CENPQ: variants seen among roughly 807,000 people sequenced by gnomAD.
The protein encoded by CENPQ is centromere protein Q.
In CENPQ, 27 loss-of-function variants were observed where a neutral mutation model predicts 36.6. The observed-to-expected ratio is 0.74, with a 90% CI of 0.54 to 1.02. CENPQ has a LOEUF of 1.02. Ranked by LOEUF, CENPQ falls within the 50% of genes least tolerant of loss-of-function variation. CENPQ has a pLI of 0.00. For synonymous variants in CENPQ, 101 were observed against 101.7 expected (o/e 0.99, Z 0.04); for missense variants, 306 against 301.8 (o/e 1.01, Z -0.10).
At chr6:49,465,656 C>T (rs1249875318) in intron 1 of CENPQ, among the ~76,000 whole-genome samples, 1 of 152,220 alleles carries the variant, frequency 6.6e-6, no homozygotes, top group African/African-American at 2.4e-5. Context: ...TTCCTTAAAC[C>T]TCAGGAACCA....
intron 6 of CENPQ, among the ~76,000 whole-genome samples, chr6:49,483,474 G>A (rs2501960): frequency 0.41 from 62,246 of 151,928 alleles, 13,107 homozygotes; most frequent in Admixed American, 0.56. Flanking sequence ...AGCAGGGGGC[G>A]GCGCTCATGG....
intron 5 of CENPQ, among the ~76,000 whole-genome samples, chr6:49,478,163 A>G (rs183823706): frequency 1.3e-5 from 2 of 152,326 alleles, no homozygotes; most frequent in Admixed American, 1.3e-4. Context: ...ACAAAGTACA[A>G]CATTAGCAAA....
At chr6:49,463,621 G>T (rs1162132602) in intron 1 of CENPQ, among the ~76,000 whole-genome samples, 168 bp downstream of exon 1, 1 of 152,130 alleles carries the variant, frequency 6.6e-6, no homozygotes, top group Non-Finnish European at 1.5e-5. Flanking sequence ...AGGATCCTGA[G>T]ATTGAGATGT....
chr6:49,480,602 A>C (rs1162228505), intron 5 of CENPQ, among the ~76,000 whole-genome samples: 2 of 150,512 alleles, frequency 1.3e-5, no homozygotes, highest in African/African-American at 4.8e-5. Context: ...AATAATTCAC[A>C]ATGTATAATA....
intron 6 of CENPQ, among the ~76,000 whole-genome samples, chr6:49,483,375 T>C (rs1581853589): frequency 6.6e-6 from 1 of 152,188 alleles, no homozygotes; most frequent in East Asian, 1.9e-4. Flanking sequence ...GATCCCACAC[T>C]GGGGCTGCAG....
chr6:49,492,884 C>T lies in CENPQ; in HGVS notation c.*609C>T, dbSNP rs1366906157. 1 of 152,534 alleles carries T rather than the reference C, an allele frequency of 6.6e-6. No individual in the cohort carries two copies. Among genetic ancestry groups the T allele is most frequent in the African/African-American group, 2.4e-5 (1 of 41,422 alleles). 9.4% of individuals were successfully genotyped at this position (152,534 alleles called of 1,614,324 possible). ...TGAATATTTTCTACTGTCATCAAAA[C>T]ATATTCCCAAAAAGTATTAAAAAGG... On this transcript the variant is annotated 3_prime_UTR_variant, in exon 9 of 9. Transcript: ENST00000335783.
At chr6:49,479,040 A>G (rs1409774212) in intron 5 of CENPQ, among the ~76,000 whole-genome samples, 4 of 152,160 alleles carry the variant, frequency 2.6e-5, no homozygotes, top group Non-Finnish European at 5.9e-5. Context: ...TATTTTTGTT[A>G]AGAAAATAAA....
Position 49,470,957 on chromosome 6 carries a change from T to C in CENPQ, c.103-17T>C. ...GTTTAATTCTGTTTATGTTTATGCA[T>C]GTGTTTTTCCCTCTAGGTTAGAAAC... is the stretch of plus-strand genomic sequence containing the variant. On this transcript the variant is annotated splice_polypyrimidine_tract_variant and intron_variant, in intron 2 of 8. Transcript: ENST00000335783. 1 of 1,436,410 alleles carries C rather than the reference T, an allele frequency of 7.0e-7. No homozygotes were observed. The highest frequency in any genetic ancestry group is 1.4e-5 in the African/African-American group (1 of 70,148). 89.0% of individuals were successfully genotyped at this position (1,436,410 alleles called of 1,614,324 possible).
intron 1 of CENPQ, among the ~76,000 whole-genome samples, chr6:49,469,349 G>A (rs1188859138): frequency 6.6e-6 from 1 of 151,930 alleles, no homozygotes; most frequent in African/African-American, 2.4e-5. Context: ...TATTTTCTAG[G>A]CATATATAGC....
At chr6:49,492,027 A>G (rs1013358371) in intron 8 of CENPQ, 117 bp from the exon 9 acceptor site, 24 of 750,564 alleles carry the variant, frequency 3.2e-5, no homozygotes, top group Middle Eastern at 3.7e-4. Flanking sequence ...TTCGTTGACA[A>G]TTATTGAAGT....
chr6:49,489,672 T>G (rs563362974), intron 8 of CENPQ, among the ~76,000 whole-genome samples: 36 of 152,354 alleles, frequency 2.4e-4, no homozygotes, highest in African/African-American at 8.4e-4. Flanking sequence ...GAAATGTATT[T>G]CTTAAGTGAT....
chr6:49,471,781 G>A (rs1768141287), intron 3 of CENPQ, among the ~76,000 whole-genome samples: 1 of 152,080 alleles, frequency 6.6e-6, no homozygotes, highest in African/African-American at 2.4e-5. Context: ...GGCCATTTCT[G>A]AGAATGAAAC....
intron 4 of CENPQ, among the ~76,000 whole-genome samples, chr6:49,472,521 A>G (rs1051858513): frequency 2.0e-5 from 3 of 152,198 alleles, no homozygotes; most frequent in Non-Finnish European, 4.4e-5. Context: ...ATACAGAGAA[A>G]ATAAGACAGA....
intron 6 of CENPQ, among the ~76,000 whole-genome samples, chr6:49,484,161 C>T (rs964589535): frequency 6.6e-6 from 1 of 152,228 alleles, no homozygotes; most frequent in Non-Finnish European, 1.5e-5. Flanking sequence ...ACTTCCTACA[C>T]TCCAGACACT....
chr6:49,476,468 C>G (rs1395378736), intron 5 of CENPQ, among the ~76,000 whole-genome samples: 1 of 152,114 alleles, frequency 6.6e-6, no homozygotes, highest in African/African-American at 2.4e-5. Flanking sequence ...ACCATAAAAA[C>G]CCTAGAAGAA....
chr6:49,482,468 C>T (rs141628532), intron 6 of CENPQ, among the ~76,000 whole-genome samples: 50 of 152,196 alleles, frequency 3.3e-4, no homozygotes, highest in African/African-American at 1.1e-3. Context: ...CTGGATGGGG[C>T]GATGAAGGGG....
intron 6 of CENPQ, among the ~76,000 whole-genome samples, chr6:49,483,011 C>T (rs1423494605): frequency 6.6e-6 from 1 of 152,092 alleles, no homozygotes; most frequent in Non-Finnish European, 1.5e-5. Context: ...GGGACCCAAG[C>T]GGGTTGCCAC....
rs1027117297 is a variant in CENPQ at position 49,477,483 on chromosome 6, G to T, written c.348-3468G>T. Among the ~76,000 whole-genome samples, 8 of 150,712 alleles carry T rather than the reference G, an allele frequency of 5.3e-5. No homozygotes were observed. In the South Asian group the frequency reaches 8.4e-4, roughly 16 times the overall value. ...TACCTAATGCTAAATGAGTTAATGG[G>T]TACAGCACACCACATGGCACATGTA... On this transcript the variant is annotated intron_variant, in intron 5 of 8. Transcript: ENST00000335783.
At chr6:49,475,545 T>G (rs1161152102) in intron 5 of CENPQ, among the ~76,000 whole-genome samples, 2 of 152,132 alleles carry the variant, frequency 1.3e-5, no homozygotes, top group Non-Finnish European at 1.5e-5. Context: ...ACCAATCCTA[T>G]TCAACATAGT....
Sources: gnomAD v4.1 joint callset for allele counts (sites outside exome capture counted in the v4.1 genomes callset) on GRCh38, gnomAD v4.1.1 for gene constraint, MANE v1.5 for transcripts, NCBI Gene and HGNC (gene_info 2026-07-23, HGNC 2026-07-21) for gene names.